BIN2: variants seen among roughly 807,000 people sequenced by gnomAD.
The protein encoded by BIN2 is bridging integrator 2.
A neutral mutation model predicts 67.9 loss-of-function variants in BIN2; 43 were observed. That is an observed-to-expected ratio of 0.63 (90% CI 0.50 to 0.82). BIN2 has a LOEUF of 0.82. BIN2 is among the 40% of genes least tolerant of loss of function. BIN2 has a pLI of 0.00. For missense variants in BIN2, 581 were observed against 671.6 expected (o/e 0.87, Z 1.49); for synonymous variants, 244 against 246.8 (o/e 0.99, Z 0.11).
upstream of BIN2, chr12:51,324,248 C>T (rs989242739): frequency 1.1e-5 from 16 of 1,435,800 alleles, no homozygotes; most frequent in East Asian, 3.1e-4. Context: ...AGCCCTGAGG[C>T]CCGCCCCTCA....
chr12:51,317,754 A>G (rs112620082), intron 1 of BIN2, among the ~76,000 whole-genome samples: 4 of 152,020 alleles, frequency 2.6e-5, no homozygotes, highest in South Asian at 4.2e-4. Context: ...TTTGGGAGGC[A>G]GAGGCGGGTG....
chr12:51,284,809 C>T lies in BIN2; in HGVS notation c.1597-22G>A, dbSNP rs370534497. ...GGCCCTACAAAGAGAAGAGTTCTGC[C>T]AGTAAGAGGTGGCTCAACCTTTCCA... On this transcript the variant is annotated intron_variant, in intron 11 of 12. Coordinates refer to ENST00000615107, the MANE Select transcript of BIN2 (RefSeq NM_016293.4). 87 of 1,593,630 alleles carry T rather than the reference C, an allele frequency of 5.5e-5. No individual in the cohort carries two copies. The African/African-American group carries it at 1.1e-3, about 20-fold the overall frequency.
chr12:51,318,741 C>T (rs1946194435), intron 1 of BIN2, among the ~76,000 whole-genome samples: 6 of 152,144 alleles, frequency 3.9e-5, no homozygotes, highest in Admixed American at 3.9e-4. Flanking sequence ...CTCCCTTTCC[C>T]CCATTAGATA....
At position 51,288,194 on chromosome 12, in the gene BIN2, A is replaced by C. The variant is rs2137347347; in HGVS notation, c.1516-6T>G. ...TCTCCAGGCTCTGAAGCAACCTGTG[A>C]ATCAAAGTGAACAATGGAGGAGAGA... On this transcript the variant is annotated splice_region_variant and splice_polypyrimidine_tract_variant and intron_variant, in intron 10 of 12. Transcript: ENST00000615107. The C allele has an allele frequency of 6.2e-7, 1 of 1,613,040 alleles. No individual in the cohort carries two copies. The highest frequency in any genetic ancestry group is 2.2e-5 in the East Asian group (1 of 44,862).
chr12:51,320,131 T>C (rs1335931319), intron 1 of BIN2, among the ~76,000 whole-genome samples: 1 of 152,038 alleles, frequency 6.6e-6, no homozygotes, highest in Non-Finnish European at 1.5e-5. Flanking sequence ...ACTACAGGTG[T>C]GCACCACTAG....
At position 51,295,577 on chromosome 12, in the gene BIN2, A is replaced by T. The variant is rs867312365; in HGVS notation, c.761+219T>A. ...GACTCCGTCTCAAAAAAAAAAAAAA[A>T]ATATATATATATATATATATATATA... On this transcript the variant is annotated intron_variant, in intron 9 of 12. Transcript: ENST00000615107. 1.8e-3 allele frequency among the ~76,000 whole-genome samples: 53 copies of T among 29,488 alleles called. 1 individual carries two copies. Among genetic ancestry groups the T allele is most frequent in the East Asian group, 3.3e-3 (3 of 916 alleles). 19.3% of individuals were successfully genotyped at this position (29,488 alleles called of 152,430 possible).
chr12:51,292,376 G>T (rs1305665686), intron 9 of BIN2, 32 bp from the exon 10 acceptor site: 1 of 1,520,046 alleles, frequency 6.6e-7, no homozygotes, highest in East Asian at 2.3e-5. Flanking sequence ...ATTCAGAACG[G>T]CTAAAAACCA....
intron 2 of BIN2, among the ~76,000 whole-genome samples, chr12:51,310,174 T>C (rs551053306): frequency 6.6e-6 from 1 of 152,288 alleles, no homozygotes; most frequent in East Asian, 1.9e-4. Flanking sequence ...AACAAAAACC[T>C]GAATCTCATC....
chr12:51,288,564 T>G (rs1945302953), intron 10 of BIN2, among the ~76,000 whole-genome samples: 1 of 152,162 alleles, frequency 6.6e-6, no homozygotes, highest in African/African-American at 2.4e-5. Flanking sequence ...CACTAAAATA[T>G]AAGCCTCAGG....
At chr12:51,293,727 A>T (rs1424154405) in intron 9 of BIN2, among the ~76,000 whole-genome samples, 1 of 152,214 alleles carries the variant, frequency 6.6e-6, no homozygotes, top group Non-Finnish European at 1.5e-5. Flanking sequence ...ATAACATGAA[A>T]AGATGCTCAA....
intron 9 of BIN2, among the ~76,000 whole-genome samples, chr12:51,295,466 G>A (rs1222224472): frequency 4.7e-5 from 7 of 148,912 alleles, no homozygotes; most frequent in Non-Finnish European, 7.4e-5. Flanking sequence ...AGGAGGCTGA[G>A]GCAGGAGAAT....
Position 51,299,626 on chromosome 12 carries a change from T to C in BIN2, c.497A>G (p.Asp166Gly), listed in dbSNP as rs767830479. Residue 166 changes from aspartate (D) to glycine (G), a missense_variant, in exon 6 of 13, where the codon GAT becomes GGT. Coordinates refer to ENST00000615107, the MANE Select transcript of BIN2 (RefSeq NM_016293.4). Reference sequence around the variant, plus strand: ...TTTTACCTTGGCAGTCTTGGCCTCATCTTTCTTCTTGGCATTCTGCACTGC... The same window carrying C: ...TTTTACCTTGGCAGTCTTGGCCTCACCTTTCTTCTTGGCATTCTGCACTGC... ...LEAVQNAKKK[D>G]EAKTAKAEEE... 2 of 1,614,138 alleles carry C rather than the reference T, an allele frequency of 1.2e-6. No homozygotes were observed.
intron 11 of BIN2, among the ~76,000 whole-genome samples, chr12:51,286,138 G>T (rs1301834357): frequency 2.6e-5 from 4 of 151,898 alleles, no homozygotes; most frequent in African/African-American, 4.8e-5. Context: ...TTCAAAAATG[G>T]CTATGTTTTT....
At chr12:51,283,183 G>A (rs528232969) in intron 12 of BIN2, among the ~76,000 whole-genome samples, 1 of 150,388 alleles carries the variant, frequency 6.6e-6, no homozygotes, top group South Asian at 2.1e-4. Context: ...CTTGAACCCA[G>A]GAGGCGGAGG....
chr12:51,316,449 T>C (rs1420510619), intron 1 of BIN2, among the ~76,000 whole-genome samples: 1 of 151,988 alleles, frequency 6.6e-6, no homozygotes, highest in African/African-American at 2.4e-5. Flanking sequence ...TGAGCCAAGA[T>C]TGTGTCACTG....
intron 9 of BIN2, among the ~76,000 whole-genome samples, chr12:51,293,743 C>G (rs1227666199): frequency 6.6e-6 from 1 of 152,136 alleles, no homozygotes; most frequent in African/African-American, 2.4e-5. Context: ...CTCAAGGAAA[C>G]TAGCAATTAT....
chr12:51,297,307 G>GC, intron 7 of BIN2, 143 bp from the exon 8 acceptor site: 1 of 707,692 alleles, frequency 1.4e-6, no homozygotes, highest in South Asian at 1.9e-5. Flanking sequence ...AGTGGCTCAC[G>GC]CCTGTAATCC....
At position 51,281,361 on chromosome 12, in the gene BIN2, A is replaced by G; in HGVS notation, c.*138T>C. On this transcript the variant is annotated 3_prime_UTR_variant, in exon 13 of 13. Transcript: ENST00000615107. ...CTGCTCCTCCGCCTCCATTAATGCC[A>G]GGTCTTTAGACAGCACCAGCATTCC... The G allele has an allele frequency of 7.8e-6, 7 of 901,372 alleles. No homozygotes were observed. Among genetic ancestry groups the G allele is most frequent in the Non-Finnish European group, 1.2e-5 (7 of 560,390 alleles). The allele number at this position is 901,372 out of a possible 1,614,324, so 55.8% of individuals were successfully genotyped here.
intron 5 of BIN2, among the ~76,000 whole-genome samples, chr12:51,301,412 T>C (rs1945719840): frequency 6.6e-6 from 1 of 152,204 alleles, no homozygotes; most frequent in African/African-American, 2.4e-5. Flanking sequence ...TAAACATCTT[T>C]AGTGCCATCA....
Sources: gnomAD v4.1 joint callset for allele counts (sites outside exome capture counted in the v4.1 genomes callset) on GRCh38, gnomAD v4.1.1 for gene constraint, MANE v1.5 for transcripts, NCBI Gene and HGNC (gene_info 2026-07-23, HGNC 2026-07-21) for gene names.